PACS1: variants seen among roughly 807,000 people sequenced by gnomAD.
PACS1 encodes the protein phosphofurin acidic cluster sorting protein 1, also known as PACS-1.
A neutral mutation model predicts 115.0 loss-of-function variants in PACS1; 24 were observed. The observed-to-expected ratio is 0.21, with a 90% CI of 0.15 to 0.29. PACS1 has a LOEUF of 0.29. PACS1 is among the 10% of genes least tolerant of loss of function. PACS1 has a pLI of 1.00. For synonymous variants in PACS1, 453 were observed against 504.5 expected (o/e 0.90, Z 1.37); for missense variants, 838 against 1,251.2 (o/e 0.67, Z 4.98).
chr11:66,237,065 C>T (rs1050174238), intron 19 of PACS1, among the ~76,000 whole-genome samples: 38 of 152,016 alleles, frequency 2.5e-4, no homozygotes, highest in Non-Finnish European at 4.3e-4. Flanking sequence ...ATTACAGGCA[C>T]GTGCCACCAC....
chr11:66,209,215 T>C (rs961525509), intron 2 of PACS1, among the ~76,000 whole-genome samples: 1 of 151,156 alleles, frequency 6.6e-6, no homozygotes, highest in Non-Finnish European at 1.5e-5. Flanking sequence ...AAAAAAAGCA[T>C]CCAAGAAGAG....
chr11:66,125,662 A>G (rs1858554315), intron 1 of PACS1, among the ~76,000 whole-genome samples: 2 of 152,210 alleles, frequency 1.3e-5, no homozygotes, highest in South Asian at 2.1e-4. Context: ...ACCAGTGTCT[A>G]ACTATGCCTG....
At chr11:66,178,666 AAAC>A (rs746777722) in intron 1 of PACS1, among the ~76,000 whole-genome samples, 19 of 152,128 alleles carry the variant, frequency 1.2e-4, no homozygotes, top group Non-Finnish European at 2.2e-4. Context: ...TTTTATGAAA[AAAC>A]TGTTTTAAAA....
chr11:66,102,296 C>A (rs988491900), intron 1 of PACS1, among the ~76,000 whole-genome samples: 5 of 151,596 alleles, frequency 3.3e-5, no homozygotes, highest in Non-Finnish European at 7.4e-5. Flanking sequence ...CTGCATCCAT[C>A]GGATTTACTA....
intron 11 of PACS1, among the ~76,000 whole-genome samples, chr11:66,228,787 C>T (rs1565155682): frequency 6.6e-6 from 1 of 152,166 alleles, no homozygotes; most frequent in East Asian, 1.9e-4. Context: ...CTGGAACGTT[C>T]TGTCTTGATC....
chr11:66,168,094 G>C (rs1178179608), intron 1 of PACS1, among the ~76,000 whole-genome samples: 1 of 149,698 alleles, frequency 6.7e-6, no homozygotes, highest in Non-Finnish European at 1.5e-5. Flanking sequence ...GTAGAGATGG[G>C]GTCTCGCCAT....
chr11:66,145,700 G>T (rs1859106753), intron 1 of PACS1, among the ~76,000 whole-genome samples: 1 of 152,174 alleles, frequency 6.6e-6, no homozygotes, highest in South Asian at 2.1e-4. Flanking sequence ...GATCCGAAAG[G>T]AAAAGTGGGA....
intron 1 of PACS1, among the ~76,000 whole-genome samples, chr11:66,149,681 TGTGTGTGTGTG>T (rs1859195039): frequency 1.2e-5 from 1 of 86,912 alleles, no homozygotes; most frequent in Admixed American, 1.0e-4. Context: ...CTTGTGTTCG[TGTGTGTGTGTG>T]TGTGTGTGTG....
chr11:66,112,631 C>T (rs1208612989), intron 1 of PACS1, among the ~76,000 whole-genome samples: 1 of 152,162 alleles, frequency 6.6e-6, no homozygotes, highest in Non-Finnish European at 1.5e-5. Flanking sequence ...TCCTGACATC[C>T]AGTAGACCCT....
At chr11:66,183,137 A>G (rs1860044902) in intron 1 of PACS1, among the ~76,000 whole-genome samples, 1 of 152,150 alleles carries the variant, frequency 6.6e-6, no homozygotes. Flanking sequence ...CTCAAAAATA[A>G]ATAGATAAAT....
chr11:66,182,375 T>C (rs1860030283), intron 1 of PACS1, among the ~76,000 whole-genome samples: 1 of 152,194 alleles, frequency 6.6e-6, no homozygotes, highest in African/African-American at 2.4e-5. Context: ...TAGGCTTAAG[T>C]TTTTTCTCAT....
chr11:66,185,957 T>C (rs1002079909), intron 1 of PACS1, among the ~76,000 whole-genome samples: 3 of 152,110 alleles, frequency 2.0e-5, no homozygotes, highest in African/African-American at 7.2e-5. Context: ...AGAGGTTTCT[T>C]TCTTTCTCAC....
At chr11:66,155,716 G>A (rs916258637) in intron 1 of PACS1, among the ~76,000 whole-genome samples, 1 of 152,162 alleles carries the variant, frequency 6.6e-6, no homozygotes, top group African/African-American at 2.4e-5. Context: ...CAAGGATACA[G>A]TAATTCCATG....
At chr11:66,090,512 T>C (rs1400537187) in intron 1 of PACS1, among the ~76,000 whole-genome samples, 1 of 152,082 alleles carries the variant, frequency 6.6e-6, no homozygotes, top group African/African-American at 2.4e-5. Flanking sequence ...CAAGTGATCC[T>C]CCTGCTTCAG....
intron 1 of PACS1, among the ~76,000 whole-genome samples, chr11:66,170,932 T>G (rs970204120): frequency 6.7e-6 from 1 of 149,638 alleles, no homozygotes; most frequent in Non-Finnish European, 1.5e-5. Context: ...AAAAGGAAAT[T>G]TGTTGGTAAC....
At chr11:66,212,225 G>A (rs1489346935) in intron 4 of PACS1, among the ~76,000 whole-genome samples, 1 of 151,328 alleles carries the variant, frequency 6.6e-6, no homozygotes, top group Admixed American at 6.6e-5. Context: ...CCCGCCTCCC[G>A]GGTTCAAGTG....
intron 1 of PACS1, among the ~76,000 whole-genome samples, chr11:66,131,948 C>A (rs1858714862): frequency 6.6e-6 from 1 of 151,610 alleles, no homozygotes; most frequent in Non-Finnish European, 1.5e-5. Flanking sequence ...TATTTTATCC[C>A]TTCCTCATTA....
intron 1 of PACS1, among the ~76,000 whole-genome samples, chr11:66,081,175 G>A (rs1241429967): frequency 3.9e-5 from 6 of 152,080 alleles, no homozygotes; most frequent in Admixed American, 3.3e-4. Context: ...CAAGAATTCA[G>A]TGAGCTGTGT....
At chr11:66,098,281 TG>T (rs1299777236) in intron 1 of PACS1, among the ~76,000 whole-genome samples, 3 of 150,818 alleles carry the variant, frequency 2.0e-5, no homozygotes, top group Non-Finnish European at 4.5e-5. Flanking sequence ...CTTTATCAGA[TG>T]TGTGTGTGTG....
Sources: gnomAD v4.1 joint callset for allele counts (sites outside exome capture counted in the v4.1 genomes callset) on GRCh38, gnomAD v4.1.1 for gene constraint, MANE v1.5 for transcripts, NCBI Gene and HGNC (gene_info 2026-07-23, HGNC 2026-07-21) for gene names.